MYO10: variants seen among roughly 807,000 people sequenced by gnomAD.
MYO10 encodes unconventional myosin-X.
A neutral mutation model predicts 257.3 loss-of-function variants in MYO10; 133 were observed. The observed-to-expected ratio is 0.52, with a 90% CI of 0.45 to 0.60. The LOEUF is 0.60. MYO10 is among the 20% of genes least tolerant of loss of function. MYO10 has a pLI of 0.00. For missense variants in MYO10, 2,399 were observed against 2,635.7 expected, an observed-to-expected ratio of 0.91 and a Z score of 1.97; for synonymous variants, 1,104 against 1,028.6, an observed-to-expected ratio of 1.07 and a Z score of -1.40.
chr5:16,800,391 C>T (rs1742086988), intron 3 of MYO10, among the ~76,000 whole-genome samples: 1 of 152,166 alleles, frequency 6.6e-6, no homozygotes, highest in African/African-American at 2.4e-5. Flanking sequence ...GACCCCATCT[C>T]TACTTAAAAA....
At chr5:16,676,218 C>T in intron 33 of MYO10, 64 bp from the exon 34 acceptor site, 1 of 1,576,944 alleles carries the variant, frequency 6.3e-7, no homozygotes, top group Non-Finnish European at 8.6e-7. Flanking sequence ...AAATATTTTT[C>T]AAGACTCTCA....
At chr5:16,898,380 C>A (rs1745271696) in intron 1 of MYO10, among the ~76,000 whole-genome samples, 1 of 150,134 alleles carries the variant, frequency 6.7e-6, no homozygotes, top group Admixed American at 6.7e-5. Flanking sequence ...AACTGGCATT[C>A]TTTTTTCCAT....
rs368839622 is a variant in MYO10, at chr5:16,702,571, C to T, written c.2528G>A (p.Arg843Gln). 39 of 1,587,838 alleles carry T rather than the reference C, an allele frequency of 2.5e-5. No individual in the cohort carries two copies. Among genetic ancestry groups the T allele is most frequent in the African/African-American group, 2.1e-4 (16 of 74,524 alleles). ...EEEERERERE[R>Q]REAELRAQQE... ...CTGGGCGCGGAGCTCGGCTTCTCTT[C>T]GCTCTCTCTCTCTTTCTCTAAAAAT... The change falls in exon 24 of 41, where the codon CGA (arginine) becomes CAA (glutamine). Residue 843 changes from arginine to glutamine, a missense_variant. Around this residue, in one of 3 missense-constraint regions of MYO10, gnomAD observed 1,820 missense variants for 1,939.4 expected, o/e 0.94. Coordinates refer to ENST00000513610, the MANE Select transcript of MYO10 (RefSeq NM_012334.3).
intron 4 of MYO10, among the ~76,000 whole-genome samples, chr5:16,787,124 G>A (rs1201775922): frequency 1.3e-5 from 2 of 152,098 alleles, no homozygotes; most frequent in Non-Finnish European, 2.9e-5. Context: ...AGCAGAGATT[G>A]CATCACTGCA....
intron 29 of MYO10, 120 bp from the exon 30 acceptor site, chr5:16,684,055 C>T (rs1263155666): frequency 2.3e-6 from 2 of 871,340 alleles, no homozygotes; most frequent in Non-Finnish European, 1.8e-6. Context: ...TTTTTAACTT[C>T]AAAATAATAG....
At chr5:16,810,986 T>C (rs1313511048) in intron 3 of MYO10, among the ~76,000 whole-genome samples, 1 of 149,936 alleles carries the variant, frequency 6.7e-6, no homozygotes, top group Non-Finnish European at 1.5e-5. Context: ...GAAGAATTGC[T>C]TGAACCCAGG....
At chr5:16,894,157 T>C (rs1001327404) in intron 1 of MYO10, among the ~76,000 whole-genome samples, 1 of 152,196 alleles carries the variant, frequency 6.6e-6, no homozygotes. Flanking sequence ...CACCTTACCA[T>C]GAACTCAATG....
At chr5:16,818,396 G>GTATATATATATA (rs1329747245) in intron 2 of MYO10, among the ~76,000 whole-genome samples, 5 of 111,954 alleles carry the variant, frequency 4.5e-5, no homozygotes, top group South Asian at 6.6e-4. Flanking sequence ...GTGTGTGTGT[G>GTATATATATATA]TGTGTGTGTG....
rs1737378817 is a variant in MYO10, at chr5:16,689,179, T to A, written c.3896+645A>T. ...GCAAAGTATGGATGATGGTAATAATTAATGTCTACCTTGCAGGATCCAAGA... is the reference window on the plus strand; with the variant it reads ...GCAAAGTATGGATGATGGTAATAATAAATGTCTACCTTGCAGGATCCAAGA... On this transcript the variant is annotated intron_variant, in intron 28 of 40. Transcript: ENST00000513610. Among the ~76,000 whole-genome samples the A allele has an allele frequency of 2.6e-5, 4 of 152,228 alleles. No homozygotes were observed. The South Asian group carries it at 6.2e-4, about 24-fold the overall frequency.
intron 2 of MYO10, among the ~76,000 whole-genome samples, chr5:16,826,642 G>C (rs1023939413): frequency 6.6e-6 from 1 of 152,166 alleles, no homozygotes; most frequent in Non-Finnish European, 1.5e-5. Context: ...TGACAACCTT[G>C]CCTGTAAGCT....
intron 3 of MYO10, among the ~76,000 whole-genome samples, chr5:16,804,530 AAATAACACCGGCAACCATAGT>A (rs1413447332): frequency 2.0e-5 from 3 of 152,172 alleles, no homozygotes; most frequent in Admixed American, 2.0e-4. Flanking sequence ...CAGGGATGTA[AAATAACACCGGCAACCATAGT>A]CATAGTTCCC....
chr5:16,711,079 C>T, intron 20 of MYO10, 42 bp downstream of exon 20: 2 of 1,613,014 alleles, frequency 1.2e-6, no homozygotes, highest in Middle Eastern at 1.7e-4. Flanking sequence ...TTTTCTCCAA[C>T]CCCTTTGAAA....
intron 19 of MYO10, among the ~76,000 whole-genome samples, chr5:16,737,826 AAAG>A (rs1739866572): frequency 6.6e-6 from 1 of 152,116 alleles, no homozygotes; most frequent in Non-Finnish European, 1.5e-5. Flanking sequence ...GCCCAACAAC[AAAG>A]AATAACCTGT....
intron 3 of MYO10, among the ~76,000 whole-genome samples, chr5:16,804,761 GA>G (rs945406892): frequency 6.6e-6 from 1 of 151,578 alleles, no homozygotes; most frequent in Non-Finnish European, 1.5e-5. Context: ...CTAAAAATAC[GA>G]AAATTAGCTG....
At chr5:16,780,421 G>A (rs1741389047) in intron 8 of MYO10, 103 bp downstream of exon 8, 6 of 1,064,908 alleles carry the variant, frequency 5.6e-6, no homozygotes, top group African/African-American at 1.6e-5. Flanking sequence ...CATTGCTATC[G>A]GTGAAATGTC....
At chr5:16,858,000 T>A (rs1303228073) in intron 2 of MYO10, among the ~76,000 whole-genome samples, 1 of 152,160 alleles carries the variant, frequency 6.6e-6, no homozygotes, top group Non-Finnish European at 1.5e-5. Context: ...CTTGGCAAAC[T>A]TTTTCTGCTA....
rs1247844834 is a variant in MYO10, at chr5:16,663,478, C to T, written c.*3214G>A. 1 of 151,602 alleles carries T rather than the reference C, an allele frequency of 6.6e-6. No homozygotes were observed. The highest frequency in any genetic ancestry group is 2.4e-5 in the African/African-American group (1 of 41,234). 9.4% of individuals were successfully genotyped at this position (151,602 alleles called of 1,614,324 possible). A position where few individuals can be genotyped will look rare whatever the true frequency, so the allele number is the denominator to read the frequency against. On this transcript the variant is annotated 3_prime_UTR_variant, in exon 41 of 41. Transcript: ENST00000513610. ...ATGCTGGTGCCTCCTCAGTAACAGA[C>T]ATTCAAAACTACAGTCAGCCCTCAG...
chr5:16,800,416 T>A (rs1742087819), intron 3 of MYO10, among the ~76,000 whole-genome samples: 1 of 152,194 alleles, frequency 6.6e-6, no homozygotes, highest in African/African-American at 2.4e-5. Context: ...TTTTTAAAAT[T>A]CTGCATAAAT....
chr5:16,768,967 C>A (rs921440091), intron 10 of MYO10, 107 bp downstream of exon 10: 68 of 1,369,320 alleles, frequency 5.0e-5, no homozygotes, highest in Non-Finnish European at 1.4e-5. Context: ...AGAGCCACCG[C>A]ACCTGGCCAG....
Sources: allele counts gnomAD v4.1 joint callset (sites outside exome capture counted in the v4.1 genomes callset), GRCh38; gene constraint gnomAD v4.1.1; regional missense constraint gnomAD v4.1.1; transcripts MANE v1.5; gene names NCBI Gene and HGNC (gene_info 2026-07-23, HGNC 2026-07-21).